PPFIA2: variants seen among roughly 807,000 people sequenced by gnomAD.
The protein encoded by PPFIA2 is liprin-alpha-2.
A neutral mutation model predicts 175.5 loss-of-function variants in PPFIA2; 46 were observed. The ratio of observed to expected loss-of-function variants is 0.26; its 90% CI spans 0.21 to 0.34. The LOEUF (loss-of-function observed/expected upper bound fraction) is 0.34. Among genes scored for constraint, PPFIA2 ranks in the 10% least tolerant of loss-of-function variants. The pLI, the probability that PPFIA2 is intolerant of heterozygous loss-of-function variation, is 1.00. For synonymous variants in PPFIA2, 568 were observed against 511.4 expected, an observed-to-expected ratio of 1.11 and a Z score of -1.49; for missense variants, 1,179 against 1,506.1, an observed-to-expected ratio of 0.78 and a Z score of 3.60.
At chr12:81,668,805 CTATGT>C (rs1271035579) in intron 4 of PPFIA2, among the ~76,000 whole-genome samples, 2 of 151,948 alleles carry the variant, frequency 1.3e-5, no homozygotes, top group Non-Finnish European at 2.9e-5. Context: ...ATCAATGGCA[CTATGT>C]TTTGGGGTTT....
chr12:81,725,411 C>A (rs934010298), intron 3 of PPFIA2, among the ~76,000 whole-genome samples: 3 of 150,754 alleles, frequency 2.0e-5, no homozygotes, highest in African/African-American at 7.3e-5. Flanking sequence ...AAAACATATT[C>A]CCATCAGTAG....
intron 8 of PPFIA2, among the ~76,000 whole-genome samples, chr12:81,399,951 A>G (rs981083613): frequency 4.6e-5 from 7 of 152,194 alleles, no homozygotes; most frequent in South Asian, 2.1e-4. Flanking sequence ...AATCTTTGAA[A>G]GAATGGTTGT....
At chr12:81,459,371 A>G (rs978185058) in intron 4 of PPFIA2, among the ~76,000 whole-genome samples, 7 of 152,256 alleles carry the variant, frequency 4.6e-5, no homozygotes, top group African/African-American at 1.7e-4. Flanking sequence ...TTTATTGCAC[A>G]TTATTAACAT....
chr12:81,354,281 A>G (rs2060514065), intron 16 of PPFIA2, among the ~76,000 whole-genome samples: 1 of 152,182 alleles, frequency 6.6e-6, no homozygotes, highest in African/African-American at 2.4e-5. Flanking sequence ...CCCAGAGTAG[A>G]ACTTCTTTCA....
chr12:81,422,580 CA>C (rs887686468), intron 7 of PPFIA2, among the ~76,000 whole-genome samples: 1 of 152,072 alleles, frequency 6.6e-6, no homozygotes, highest in African/African-American at 2.4e-5. Flanking sequence ...TTAAGATAAA[CA>C]AGTCACTTCT....
intron 4 of PPFIA2, among the ~76,000 whole-genome samples, chr12:81,572,031 G>A (rs979818508): frequency 6.6e-6 from 1 of 151,972 alleles, no homozygotes; most frequent in Non-Finnish European, 1.5e-5. Flanking sequence ...ACCTGTTTTA[G>A]GGTATCCCCC....
At chr12:81,444,722 T>G (rs1283805186) in intron 6 of PPFIA2, among the ~76,000 whole-genome samples, 1 of 152,128 alleles carries the variant, frequency 6.6e-6, no homozygotes, top group Non-Finnish European at 1.5e-5. Flanking sequence ...TTTGCATGCT[T>G]AAAAACTAGA....
intron 4 of PPFIA2, among the ~76,000 whole-genome samples, chr12:81,589,860 A>G (rs1237197999): frequency 6.6e-6 from 1 of 152,014 alleles, no homozygotes; most frequent in Non-Finnish European, 1.5e-5. Flanking sequence ...CCAAATCCCA[A>G]CCAAGGAAAT....
In PPFIA2 at chr12:81,575,168, C is replaced by T. The variant is rs138570062; in HGVS notation, c.303+101623G>A. ...ATCTTGTTGTTGATTTGTAAATGCACGTTTAATCATTACTTTTCAATATCC... is the reference window on the plus strand; with the variant it reads ...ATCTTGTTGTTGATTTGTAAATGCATGTTTAATCATTACTTTTCAATATCC... On this transcript the variant is annotated intron_variant, in intron 4 of 32. Coordinates refer to ENST00000549396, the MANE Select transcript of PPFIA2 (RefSeq NM_003625.5). Among the ~76,000 whole-genome samples the T allele has an allele frequency of 5.9e-3, 903 of 151,812 alleles. 24 individuals are homozygous for T. Among genetic ancestry groups the T allele is most frequent in the Admixed American group, 0.043 (655 of 15,190 alleles).
At chr12:81,333,700 T>A (rs2056573464) in intron 21 of PPFIA2, among the ~76,000 whole-genome samples, 1 of 152,150 alleles carries the variant, frequency 6.6e-6, no homozygotes. Context: ...CTTACATCCA[T>A]TCTTTCTATT....
chr12:81,444,869 G>A (rs1341961316), intron 6 of PPFIA2, among the ~76,000 whole-genome samples: 2 of 151,964 alleles, frequency 1.3e-5, no homozygotes, highest in Non-Finnish European at 1.5e-5. Flanking sequence ...GAAATTTCAC[G>A]AAATTGAAAT....
At chr12:81,590,556 C>T (rs1015403220) in intron 4 of PPFIA2, among the ~76,000 whole-genome samples, 1 of 151,970 alleles carries the variant, frequency 6.6e-6, no homozygotes, top group Non-Finnish European at 1.5e-5. Flanking sequence ...ACCCAAATCT[C>T]ACCTTGAATT....
At chr12:81,562,825 C>T (rs539211162) in intron 4 of PPFIA2, among the ~76,000 whole-genome samples, 5 of 104,128 alleles carry the variant, frequency 4.8e-5, no homozygotes, top group South Asian at 3.7e-4. Context: ...CCAGCCTGGG[C>T]GACAGAGCGA....
intron 7 of PPFIA2, among the ~76,000 whole-genome samples, chr12:81,407,000 T>G (rs1351167674): frequency 6.6e-6 from 1 of 152,184 alleles, no homozygotes; most frequent in Non-Finnish European, 1.5e-5. Context: ...TCTAGCTATA[T>G]GATCTCTGGT....
At chr12:81,338,126 G>T (rs190551035) in intron 21 of PPFIA2, among the ~76,000 whole-genome samples, 1 of 152,030 alleles carries the variant, frequency 6.6e-6, no homozygotes, top group African/African-American at 2.4e-5. Context: ...CATGAATATC[G>T]CAATCAGAAA....
In PPFIA2 at chr12:81,374,801, G is replaced by C. The variant is rs117618853; in HGVS notation, c.1132-33C>G. 7.9e-3 allele frequency: 12,526 copies of C among 1,591,462 alleles called. 75 individuals carry two copies. The highest frequency in any genetic ancestry group is 0.01 in the Non-Finnish European group (11,935 of 1,166,936). On this transcript the variant is annotated intron_variant, in intron 10 of 32. Transcript: ENST00000549396. ...GGGAATGGGAGCAGAGACACTTAAA[G>C]AGTCAGAGTTTGGATAGCAAACACC...
intron 4 of PPFIA2, among the ~76,000 whole-genome samples, chr12:81,672,368 G>T (rs192225867): frequency 6.6e-6 from 1 of 151,908 alleles, no homozygotes; most frequent in African/African-American, 2.4e-5. Context: ...GGTCTAAACA[G>T]CACACTCAGA....
At chr12:81,618,147 G>A (rs1254776313) in intron 4 of PPFIA2, among the ~76,000 whole-genome samples, 2 of 152,056 alleles carry the variant, frequency 1.3e-5, no homozygotes, top group Non-Finnish European at 2.9e-5. Context: ...CTTCTGAGAG[G>A]CCCAGTCTAA....
chr12:81,563,339 T>A (rs1322536461), intron 4 of PPFIA2, among the ~76,000 whole-genome samples: 2 of 152,204 alleles, frequency 1.3e-5, no homozygotes. Flanking sequence ...TTCATACATG[T>A]ACAACCTCTG....
Sources: allele counts gnomAD v4.1 joint callset (sites outside exome capture counted in the v4.1 genomes callset), GRCh38; gene constraint gnomAD v4.1.1; transcripts MANE v1.5; gene names NCBI Gene and HGNC (gene_info 2026-07-23, HGNC 2026-07-21).